Variants in PCDHA5 observed in about 807,000 individuals in gnomAD.
PCDHA5 encodes the protein protocadherin alpha-5.
In PCDHA5, 43 loss-of-function variants were observed where a neutral mutation model predicts 61.6. That is an observed-to-expected ratio of 0.70 (90% CI 0.55 to 0.90). PCDHA5 has a LOEUF of 0.90. Among genes scored for constraint, PCDHA5 ranks in the 40% least tolerant of loss-of-function variants. The pLI is 0.00. For missense variants in PCDHA5, 1,298 were observed against 1,222.7 expected, an observed-to-expected ratio of 1.06 and a Z score of -0.92; for synonymous variants, 627 against 543.9, an observed-to-expected ratio of 1.15 and a Z score of -2.13.
At chr5:140,951,626 C>G (rs1182328214) in intron 1 of PCDHA5, among the ~76,000 whole-genome samples, 1 of 152,180 alleles carries the variant, frequency 6.6e-6, no homozygotes, top group East Asian at 1.9e-4. Context: ...AAGGGGGAAA[C>G]CTGCCCCATG....
chr5:140,877,168 C>T lies in PCDHA5; in HGVS notation c.2352+53041C>T, dbSNP rs199567490. The T allele has an allele frequency of 1.0e-4, 161 of 1,613,836 alleles. No homozygotes were observed. In the African/African-American group the frequency reaches 2.0e-3, roughly 20 times the overall value. On this transcript the variant is annotated intron_variant, in intron 1 of 3. Coordinates refer to ENST00000529859, the MANE Select transcript of PCDHA5 (RefSeq NM_018908.3). ...CGAGAACGACAACGCGCCGGCACTG[C>T]TGGCGACTCCGGCTGGCAGCGCAGG...
chr5:140,873,153 C>T (rs2054129567), intron 1 of PCDHA5, among the ~76,000 whole-genome samples: 1 of 152,224 alleles, frequency 6.6e-6, no homozygotes, highest in East Asian at 1.9e-4. Flanking sequence ...TATTCATAGA[C>T]TTTAGATCGA....
Position 140,852,527 on chromosome 5 carries a change from C to T in PCDHA5, c.2352+28400C>T, listed in dbSNP as rs184052538. The T allele has an allele frequency of 1.0e-4, 41 of 393,270 alleles. 2 individuals are homozygous for T. Among genetic ancestry groups the T allele is most frequent in the African/African-American group, 6.6e-4 (30 of 45,558 alleles). 24.4% of individuals were successfully genotyped at this position (393,270 alleles called of 1,614,324 possible). A position where few individuals can be genotyped will look rare whatever the true frequency, so the allele number is the denominator to read the frequency against. On this transcript the variant is annotated intron_variant, in intron 1 of 3. Transcript: ENST00000529859. ...TCCTGACCTTGTGATGCTCCCACCT[C>T]GGCCTCCCAAAGTGCTGGGATTAAA...
At chr5:140,953,092 G>A (rs141861684) in intron 1 of PCDHA5, among the ~76,000 whole-genome samples, 2 of 152,252 alleles carry the variant, frequency 1.3e-5, no homozygotes, top group South Asian at 2.1e-4. Context: ...ATTACAATTT[G>A]ACATGAGATT....
At chr5:140,843,862 A>C in intron 1 of PCDHA5, 1 of 894,130 alleles carries the variant, frequency 1.1e-6, no homozygotes. Flanking sequence ...TAATTAATTG[A>C]ATTTTCTCAG....
rs2150130436 is a variant in PCDHA5 at position 140,823,928 on chromosome 5, C to A, written c.2153C>A (p.Thr718Asn). ...CTGGTGCTCACGCTGCTGCTGTACA[C>A]CGCGCTGCGGTGCTCGGCGCAGCCC... ...SLLVLTLLLYTALRCSAQPTE... is the reference protein window; with the variant it reads ...SLLVLTLLLYNALRCSAQPTE... Residue 718 changes from threonine to asparagine, a missense_variant, in exon 1 of 4, where the codon ACC becomes AAC. By Grantham distance (65) the Thr-to-Asn change is moderately conservative. Transcript: ENST00000529859. 6.2e-7 allele frequency: 1 copy of A among 1,613,972 alleles called. No homozygotes were observed.
chr5:141,000,421 A>AT lies in PCDHA5; in HGVS notation c.2501-9183dup, dbSNP rs34755515. Reference sequence around the variant, plus strand: ...TATATATATATATATATATATATATATTTTTTTTTTTTTTTTTTTTTTTGA... The same window carrying AT: ...TATATATATATATATATATATATATATTTTTTTTTTTTTTTTTTTTTTTTGA... On this transcript the variant is annotated intron_variant, in intron 3 of 3. Transcript: ENST00000529859. 8.6e-3 allele frequency among the ~76,000 whole-genome samples: 241 copies of AT among 27,996 alleles called. 11 individuals carry two copies. The highest frequency in any genetic ancestry group is 9.4e-3 in the African/African-American group (53 of 5,644). The allele number at this position is 27,996 out of a possible 152,430, so 18.4% of individuals were successfully genotyped here.
At chr5:140,980,837 A>T (rs1189348118) in intron 2 of PCDHA5, among the ~76,000 whole-genome samples, 1 of 152,160 alleles carries the variant, frequency 6.6e-6, no homozygotes, top group Non-Finnish European at 1.5e-5. Context: ...TGTGAACCTA[A>T]ATAATACTAA....
At position 140,977,766 on chromosome 5, in the gene PCDHA5, G is replaced by C. The variant is rs559146656; in HGVS notation, c.2353-1183G>C. ...AAGAAATGTGTTTATTAAATACTTTGCATCCCTTAAAGGAACTATATGAAT... is the reference window on the plus strand; with the variant it reads ...AAGAAATGTGTTTATTAAATACTTTCCATCCCTTAAAGGAACTATATGAAT... On this transcript the variant is annotated intron_variant, in intron 1 of 3. Coordinates refer to ENST00000529859, the MANE Select transcript of PCDHA5 (RefSeq NM_018908.3). Among the ~76,000 whole-genome samples, 3 of 152,272 alleles carry C rather than the reference G, an allele frequency of 2.0e-5. No homozygotes were observed. In the South Asian group the frequency reaches 6.2e-4, roughly 32 times the overall value.
intron 1 of PCDHA5, among the ~76,000 whole-genome samples, chr5:140,923,018 T>G (rs1353684633): frequency 6.6e-6 from 1 of 152,224 alleles, no homozygotes; most frequent in African/African-American, 2.4e-5. Flanking sequence ...GACTGCAGTT[T>G]CGGACTCTAT....
intron 1 of PCDHA5, among the ~76,000 whole-genome samples, chr5:140,912,063 A>C (rs1458411803): frequency 6.6e-6 from 1 of 152,214 alleles, no homozygotes; most frequent in Non-Finnish European, 1.5e-5. Context: ...CTTGGAGTCC[A>C]ATGTTCAAGG....
chr5:140,868,792 CCATAAATAAG>C (rs2050654448), intron 1 of PCDHA5: 1 of 326,666 alleles, frequency 3.1e-6, no homozygotes, highest in African/African-American at 2.1e-5. Flanking sequence ...TCTGAATATT[CCATAAATAAG>C]CACGTTGGAA....
Position 140,823,093 on chromosome 5 carries a change from G to T in PCDHA5, c.1318G>T (p.Val440Leu), listed in dbSNP as rs147205231. The T allele has an allele frequency of 4.2e-5, 68 of 1,613,940 alleles. No homozygotes were observed. Among genetic ancestry groups the T allele is most frequent in the African/African-American group, 1.9e-4 (14 of 74,948 alleles). The change falls in exon 1 of 4, where the codon GTG (valine) becomes TTG (leucine). Residue 440 changes from valine to leucine, a missense_variant. Coordinates refer to ENST00000529859, the MANE Select transcript of PCDHA5 (RefSeq NM_018908.3). ...GCCTTCGCTGTGGGCCACCGCCAGCGTGTCTGTGGAAGTGGCCGACGTGAA... is the reference window on the plus strand; with the variant it reads ...GCCTTCGCTGTGGGCCACCGCCAGCTTGTCTGTGGAAGTGGCCGACGTGAA... The part of the protein sequence containing the change: ...GSPSLWATAS[V>L]SVEVADVNDN...
At chr5:140,894,256 A>G (rs1554186008) in intron 1 of PCDHA5, among the ~76,000 whole-genome samples, 1 of 152,010 alleles carries the variant, frequency 6.6e-6, no homozygotes, top group African/African-American at 2.4e-5. Context: ...TTTTCTTTAC[A>G]AGTGGTAGCT....
At chr5:140,986,696 C>G (rs2097209947) in intron 3 of PCDHA5, among the ~76,000 whole-genome samples, 2 of 152,130 alleles carry the variant, frequency 1.3e-5, no homozygotes, top group South Asian at 2.1e-4. Context: ...TCAAAACACA[C>G]AGCACTGCAG....
Position 140,842,609 on chromosome 5 carries a change from G to T in PCDHA5, c.2352+18482G>T, listed in dbSNP as rs2150340474. 6.2e-5 allele frequency: 99 copies of T among 1,595,866 alleles called. 3 individuals carry two copies. In the East Asian group the frequency reaches 1.8e-3, roughly 29 times the overall value. On this transcript the variant is annotated intron_variant, in intron 1 of 3. Transcript: ENST00000529859. ...TGAGTTGGTGGTAACCGCGCGGGAC[G>T]GGGGCTCGCCTTCGCTGTGGGCCAC...
chr5:140,883,231 G>A, intron 1 of PCDHA5: 1 of 1,613,930 alleles, frequency 6.2e-7, no homozygotes, highest in Non-Finnish European at 8.5e-7. Context: ...TATCCGTGGA[G>A]GCAGTTGACA....
In PCDHA5 at chr5:140,887,347, C is replaced by T. The variant is rs568939189; in HGVS notation, c.2352+63220C>T. Among the ~76,000 whole-genome samples the T allele has an allele frequency of 4.6e-5, 7 of 152,202 alleles. No homozygotes were observed. In the South Asian group the frequency reaches 6.2e-4, roughly 14 times the overall value. On this transcript the variant is annotated intron_variant, in intron 1 of 3. Coordinates refer to ENST00000529859, the MANE Select transcript of PCDHA5 (RefSeq NM_018908.3). ...TCCTGACCTCGTGATCCACCTGGCT[C>T]GGCCTCCCAAAGTGCTGGGATTACA...
chr5:140,883,402 C>T lies in PCDHA5; in HGVS notation c.2352+59275C>T. ...CCCTAATCAGTGTGTCCGATCGTGACTCTGGCTCAAATGGACAGGTCACCT... is the reference window on the plus strand; with the variant it reads ...CCCTAATCAGTGTGTCCGATCGTGATTCTGGCTCAAATGGACAGGTCACCT... On this transcript the variant is annotated intron_variant, in intron 1 of 3. Coordinates refer to ENST00000529859, the MANE Select transcript of PCDHA5 (RefSeq NM_018908.3). 4 of 1,614,192 alleles carry T rather than the reference C, an allele frequency of 2.5e-6. No individual in the cohort carries two copies. The South Asian group carries it at 3.3e-5, about 13-fold the overall frequency.
Sources: gnomAD v4.1 joint callset for allele counts (sites outside exome capture counted in the v4.1 genomes callset) on GRCh38, gnomAD v4.1.1 for gene constraint, MANE v1.5 for transcripts, NCBI Gene and HGNC (gene_info 2026-07-23, HGNC 2026-07-21) for gene names.